Variants in MVD observed in about 807,000 individuals in gnomAD.
MVD encodes diphosphomevalonate decarboxylase.
Under a neutral mutation model 42.4 loss-of-function variants are expected in MVD, and 52 were observed. The ratio of observed to expected loss-of-function variants is 1.23; its 90% CI spans 0.98 to 1.55. The LOEUF (loss-of-function observed/expected upper bound fraction) is 1.55. Ranked by LOEUF, MVD falls within the 40% of genes most tolerant of loss-of-function variation. MVD has a pLI of 0.00. For missense variants in MVD, 663 were observed against 572.1 expected (o/e 1.16, Z -1.62); for synonymous variants, 287 against 243.2 (o/e 1.18, Z -1.68).
At chr16:88,656,716 C>G in intron 4 of MVD, 1 of 260,998 alleles carries the variant, frequency 3.8e-6, no homozygotes, top group Non-Finnish European at 7.5e-6. Context: ...CCCCTGCCCA[C>G]CCAGCACGGG....
rs768161409 is a variant in MVD at position 88,657,596 on chromosome 16, G to C, written c.257-14C>G. Reference sequence around the variant, plus strand: ...CCAGGCAGCGGACTGCAGAGACAATGAGACAGCGTGTGGCCCAGCCGTCAG... The same window carrying C: ...CCAGGCAGCGGACTGCAGAGACAATCAGACAGCGTGTGGCCCAGCCGTCAG... On this transcript the variant is annotated splice_polypyrimidine_tract_variant and intron_variant, in intron 3 of 9. Transcript: ENST00000301012. The C allele has an allele frequency of 5.0e-6, 8 of 1,609,398 alleles. No individual in the cohort carries two copies. In the South Asian group the frequency reaches 8.8e-5, roughly 18 times the overall value.
intron 4 of MVD, 34 bp downstream of exon 4, chr16:88,657,402 C>T: frequency 1.3e-6 from 2 of 1,563,604 alleles, no homozygotes; most frequent in Non-Finnish European, 1.7e-6. Context: ...GCGCCCACAG[C>T]CCAGAACCCC....
chr16:88,654,862 C>A, intron 7 of MVD, 55 bp from the exon 8 acceptor site: 1 of 1,488,012 alleles, frequency 6.7e-7, no homozygotes, highest in African/African-American at 1.4e-5. Flanking sequence ...CCCTTGTCTC[C>A]CCAACCCTCT....
chr16:88,653,660 T>C, intron 8 of MVD: 1 of 452,548 alleles, frequency 2.2e-6, no homozygotes, highest in African/African-American at 2.1e-5. Context: ...TGCTCTCGAA[T>C]GGCTGAGACA....
intron 7 of MVD, 183 bp downstream of exon 7, chr16:88,655,016 G>C: frequency 1.1e-6 from 1 of 915,508 alleles, no homozygotes. Context: ...CGTGACCCGG[G>C]CAAGTCAAGA....
At chr16:88,655,859 ACCACAGAGGCCTCCCGG>A in intron 5 of MVD, 129 bp from the exon 6 acceptor site, 1 of 1,211,498 alleles carries the variant, frequency 8.3e-7, no homozygotes, top group African/African-American at 1.5e-5. Flanking sequence ...CACCTGCCTG[ACCACAGAGGCCTCCCGG>A]CCACAGCAGG....
intron 1 of MVD, among the ~76,000 whole-genome samples, chr16:88,661,795 G>A (rs1908308176): frequency 6.7e-6 from 1 of 150,042 alleles, no homozygotes; most frequent in Non-Finnish European, 1.5e-5. Flanking sequence ...ATCACCGTAG[G>A]GATGCAAAAT....
At chr16:88,656,388 C>A in intron 4 of MVD, 84 bp from the exon 5 acceptor site, 1 of 1,414,868 alleles carries the variant, frequency 7.1e-7, no homozygotes, top group South Asian at 1.2e-5. Context: ...GAACGTCCCA[C>A]ACCCCACGGC....
At position 88,655,503 on chromosome 16, in the gene MVD, G is replaced by A. The variant is rs1477849135; in HGVS notation, c.679-86C>T. ...GGAGAGACTCCGGGGTTGGAGGCCC[G>A]GCTCGAGCCCCATCTCTGCATTTGG... On this transcript the variant is annotated intron_variant, in intron 6 of 9. Coordinates refer to ENST00000301012, the MANE Select transcript of MVD (RefSeq NM_002461.3). 17 of 1,514,134 alleles carry A rather than the reference G, an allele frequency of 1.1e-5. No individual in the cohort carries two copies. In the Admixed American group the frequency reaches 1.4e-4, roughly 12 times the overall value. 93.8% of individuals were successfully genotyped at this position (1,514,134 alleles called of 1,614,324 possible).
In MVD at chr16:88,655,638, A is replaced by C; in HGVS notation, c.678+18T>G. The C allele has an allele frequency of 1.4e-5, 21 of 1,548,792 alleles. No homozygotes were observed. Among genetic ancestry groups the C allele is most frequent in the Non-Finnish European group, 1.8e-5 (21 of 1,146,986 alleles). On this transcript the variant is annotated intron_variant, in intron 6 of 9. Transcript: ENST00000301012. Reference sequence around the variant, plus strand: ...GCGTGACTCCCAGGGCCCCGGGACCACCCGCTCCTGGCCTTACCCGAAGCA... The same window carrying C: ...GCGTGACTCCCAGGGCCCCGGGACCCCCCGCTCCTGGCCTTACCCGAAGCA...
At chr16:88,654,112 C>T in intron 8 of MVD, among the ~76,000 whole-genome samples, 1 of 152,028 alleles carries the variant, frequency 6.6e-6, no homozygotes, top group Non-Finnish European at 1.5e-5. Flanking sequence ...TACATGGGGG[C>T]TCTGTGGCAC....
chr16:88,662,362 C>T (rs1356349159), intron 1 of MVD, among the ~76,000 whole-genome samples: 2 of 152,188 alleles, frequency 1.3e-5, no homozygotes, highest in Non-Finnish European at 2.9e-5. Context: ...CTGGGTGGGC[C>T]ACATAACTGC....
Position 88,656,938 on chromosome 16 carries a change from T to C in MVD, c.403+498A>G, listed in dbSNP as rs1244495990. On this transcript the variant is annotated intron_variant, in intron 4 of 9. Transcript: ENST00000301012. Reference sequence around the variant, plus strand: ...CAGTGGGTGGGAAGCTGCCAGCAAGTGGCCTGGGGCCAGCAGAGAGCTGGG... The same window carrying C: ...CAGTGGGTGGGAAGCTGCCAGCAAGCGGCCTGGGGCCAGCAGAGAGCTGGG... 6 of 318,000 alleles carry C rather than the reference T, an allele frequency of 1.9e-5. No homozygotes were observed. The Admixed American group carries it at 2.7e-4, about 14-fold the overall frequency. 19.7% of individuals were successfully genotyped at this position (318,000 alleles called of 1,614,324 possible).
At chr16:88,654,519 C>G (rs1907781304) in intron 8 of MVD, among the ~76,000 whole-genome samples, 173 bp downstream of exon 8, 1 of 152,198 alleles carries the variant, frequency 6.6e-6, no homozygotes, top group Non-Finnish European at 1.5e-5. Context: ...TGGACGTGGG[C>G]TGTGGGATGG....
intron 1 of MVD, chr16:88,662,772 C>A: frequency 6.7e-7 from 1 of 1,484,658 alleles, no homozygotes; most frequent in Non-Finnish European, 8.9e-7. Flanking sequence ...TGGGCAGGCG[C>A]CGGGCGACCC....
At position 88,662,690 on chromosome 16, in the gene MVD, C is replaced by A. The variant is rs536944443; in HGVS notation, c.70+321G>T. 2.4e-4 allele frequency: 319 copies of A among 1,352,884 alleles called. No individual in the cohort carries two copies. In the African/African-American group the frequency reaches 4.6e-3, roughly 20 times the overall value. 83.8% of individuals were successfully genotyped at this position (1,352,884 alleles called of 1,614,324 possible). On this transcript the variant is annotated intron_variant, in intron 1 of 9. Transcript: ENST00000301012. ...CCGAGTAGCTGGAGCCACAAACGCG[C>A]ACCACCACGGCGGATTCTTACGATT...
rs746760132 is a variant in MVD at position 88,654,775 on chromosome 16, G to A, written c.930C>T (p.Ala310=). Residue 310 remains alanine (A), a synonymous_variant, in exon 8 of 10, where the codon GCC becomes GCT. Transcript: ENST00000301012. ...VAYTFDAGPN[A]VIFTLDDTVA... ...CAGTGTCGTCCAGGGTGAAGATCAC[G>A]GCATTGGGGCCCGCGTCAAAGGTGT... 21 of 1,594,992 alleles carry A rather than the reference G, an allele frequency of 1.3e-5. No individual in the cohort carries two copies. Among genetic ancestry groups the A allele is most frequent in the South Asian group, 5.7e-5 (5 of 88,274 alleles).
chr16:88,662,765 G>T (rs1180531989), intron 1 of MVD: 1 of 1,483,438 alleles, frequency 6.7e-7, no homozygotes, highest in African/African-American at 1.5e-5. Flanking sequence ...TCGCTAATGG[G>T]CAGGCGCCGG....
At chr16:88,658,268 C>T (rs1029915834) in intron 2 of MVD, among the ~76,000 whole-genome samples, 5 of 152,168 alleles carry the variant, frequency 3.3e-5, no homozygotes, top group African/African-American at 1.2e-4. Flanking sequence ...CGGGGACTCC[C>T]AGGGGAGCCC....
Sources: gnomAD v4.1 joint callset for allele counts (sites outside exome capture counted in the v4.1 genomes callset) on GRCh38, gnomAD v4.1.1 for gene constraint, MANE v1.5 for transcripts, NCBI Gene and HGNC (gene_info 2026-07-23, HGNC 2026-07-21) for gene names.